The following NPEPPS variants were observed in gnomAD, a reference collection of about 807,000 sequenced individuals.
NPEPPS encodes puromycin-sensitive aminopeptidase.
NPEPPS carries 14 observed loss-of-function variants against 115.5 expected under a neutral mutation model. That is an observed-to-expected ratio of 0.12 (90% CI 0.08 to 0.19). NPEPPS has a LOEUF of 0.19. Ranked by LOEUF, NPEPPS falls within the 10% of genes least tolerant of loss-of-function variation. The probability of loss-of-function intolerance (pLI) is 1.00; values close to 1 mark genes in which losing one functional copy is unlikely to be tolerated. For missense variants in NPEPPS, 523 were observed against 1,110.8 expected, an observed-to-expected ratio of 0.47 and a Z score of 7.52; for synonymous variants, 285 against 390.6, an observed-to-expected ratio of 0.73 and a Z score of 3.19.
intron 3 of NPEPPS, among the ~76,000 whole-genome samples, chr17:47,576,866 T>A (rs1911552364): frequency 6.6e-6 from 1 of 152,134 alleles, no homozygotes; most frequent in Non-Finnish European, 1.5e-5. Context: ...CGTTCATTAA[T>A]ATGGTGTAAA....
intron 1 of NPEPPS, among the ~76,000 whole-genome samples, chr17:47,540,463 C>T (rs1385480959): frequency 2.0e-5 from 3 of 152,202 alleles, no homozygotes; most frequent in African/African-American, 7.2e-5. Context: ...AAATCATGTA[C>T]TACACCATCA....
At chr17:47,596,510 G>A in intron 13 of NPEPPS, 48 bp downstream of exon 13, 1 of 1,233,880 alleles carries the variant, frequency 8.1e-7, no homozygotes, top group Non-Finnish European at 1.1e-6. Context: ...ATTAAATGAA[G>A]TTCAGTACAG....
Position 47,623,018 on chromosome 17 carries a change from C to CGTA in NPEPPS, c.*1098_*1099insGTA. ...GCCACTGTTTGCTTCAACAGTATATCCTAATAAGCCTCACCTATTTAATCC... is the reference window on the plus strand; with the variant it reads ...GCCACTGTTTGCTTCAACAGTATATCGTACTAATAAGCCTCACCTATTTAATCC... On this transcript the variant is annotated 3_prime_UTR_variant, in exon 23 of 23. Coordinates refer to ENST00000322157, the MANE Select transcript of NPEPPS (RefSeq NM_006310.4). 4.7e-6 allele frequency: 2 copies of CGTA among 423,742 alleles called. No homozygotes were observed. The highest frequency in any genetic ancestry group is 3.4e-5 in the South Asian group (2 of 58,790). 26.2% of individuals were successfully genotyped at this position (423,742 alleles called of 1,614,324 possible).
At chr17:47,601,801 CG>C in intron 15 of NPEPPS, 54 bp downstream of exon 15, 1 of 1,540,822 alleles carries the variant, frequency 6.5e-7, no homozygotes, top group Non-Finnish European at 8.8e-7. Flanking sequence ...ATTTTATGGC[CG>C]GTTTTAAATT....
chr17:47,610,752 G>T (rs929009142), intron 17 of NPEPPS, among the ~76,000 whole-genome samples: 1 of 148,882 alleles, frequency 6.7e-6, no homozygotes, highest in Non-Finnish European at 1.5e-5. Context: ...TATGAATTCT[G>T]TTATGCACAT....
At chr17:47,543,313 AT>A (rs111609085) in intron 1 of NPEPPS, among the ~76,000 whole-genome samples, 54 of 146,554 alleles carry the variant, frequency 3.7e-4, no homozygotes, top group South Asian at 4.3e-4. Context: ...CAGTAAAAAA[AT>A]TTTTTTTTTT....
At chr17:47,526,862 G>A (rs1431790878), upstream of NPEPPS, among the ~76,000 whole-genome samples, 5 of 152,136 alleles carry the variant, frequency 3.3e-5, no homozygotes, top group African/African-American at 4.8e-5. Flanking sequence ...CGAGGCTGAG[G>A]AAGGAGAATG....
chr17:47,537,002 C>G (rs143600239), intron 1 of NPEPPS, among the ~76,000 whole-genome samples: 2 of 151,980 alleles, frequency 1.3e-5, no homozygotes, highest in Non-Finnish European at 2.9e-5. Flanking sequence ...CATGAGCCAC[C>G]GTGCCTGGCC....
At chr17:47,603,105 T>C (rs935296005) in intron 15 of NPEPPS, among the ~76,000 whole-genome samples, 1 of 152,214 alleles carries the variant, frequency 6.6e-6, no homozygotes, top group Non-Finnish European at 1.5e-5. Context: ...TTTTTGGCTA[T>C]TGGTAAATAG....
At chr17:47,540,544 C>T (rs1429675848) in intron 1 of NPEPPS, among the ~76,000 whole-genome samples, 1 of 152,218 alleles carries the variant, frequency 6.6e-6, no homozygotes, top group Non-Finnish European at 1.5e-5. Context: ...TCAGCACATA[C>T]ACTTATGTCC....
At chr17:47,609,455 T>C (rs1913712160) in intron 17 of NPEPPS, among the ~76,000 whole-genome samples, 1 of 152,326 alleles carries the variant, frequency 6.6e-6, no homozygotes, top group African/African-American at 2.4e-5. Flanking sequence ...GGCAAAATAA[T>C]AAAATGTTAC....
chr17:47,555,196 A>G (rs1909918873), intron 2 of NPEPPS, among the ~76,000 whole-genome samples: 1 of 152,208 alleles, frequency 6.6e-6, no homozygotes. Context: ...ACTACCATCA[A>G]GATACTTACT....
chr17:47,537,701 TA>T lies in NPEPPS; in HGVS notation c.255+6161del, dbSNP rs772361436. 6.1e-3 allele frequency among the ~76,000 whole-genome samples: 860 copies of T among 140,140 alleles called. 7 individuals carry two copies. Among genetic ancestry groups the T allele is most frequent in the East Asian group, 0.035 (172 of 4,896 alleles). The allele number at this position is 140,140 out of a possible 152,430, so 91.9% of individuals were successfully genotyped here. On this transcript the variant is annotated intron_variant, in intron 1 of 22. Coordinates refer to ENST00000322157, the MANE Select transcript of NPEPPS (RefSeq NM_006310.4). ...GGGTGACACAGCGAGACCCTGTCTT[TA>T]AAAAAAAAAAAAAAGTTGACTAATC...
intron 1 of NPEPPS, among the ~76,000 whole-genome samples, chr17:47,538,202 CTTTTT>C (rs543559258): frequency 8.9e-4 from 52 of 58,496 alleles, no homozygotes; most frequent in African/African-American, 2.7e-3. Flanking sequence ...CATATCTGTT[CTTTTT>C]TTTTTTTTTT....
At chr17:47,561,957 G>A (rs538295606) in intron 2 of NPEPPS, among the ~76,000 whole-genome samples, 5 of 152,318 alleles carry the variant, frequency 3.3e-5, no homozygotes, top group African/African-American at 9.6e-5. Context: ...TGCTTCAGTC[G>A]TGACTGTCCA....
At chr17:47,525,623 G>A (rs1001268548) in intron 1 of NPEPPS, among the ~76,000 whole-genome samples, 10 of 152,164 alleles carry the variant, frequency 6.6e-5, no homozygotes, top group Non-Finnish European at 8.8e-5. Flanking sequence ...GATTACAGGC[G>A]TGAGGCATGG....
intron 2 of NPEPPS, among the ~76,000 whole-genome samples, chr17:47,562,175 A>G (rs1482105537): frequency 6.6e-6 from 1 of 152,224 alleles, no homozygotes; most frequent in African/African-American, 2.4e-5. Context: ...AGCTTTAGCA[A>G]ATTAATCAAA....
chr17:47,587,746 A>G (rs1425042957), intron 9 of NPEPPS, among the ~76,000 whole-genome samples: 2 of 152,234 alleles, frequency 1.3e-5, no homozygotes, highest in African/African-American at 2.4e-5. Context: ...TAACAAACTG[A>G]TCTTTAATTA....
chr17:47,609,733 A>G (rs548525738), intron 17 of NPEPPS, among the ~76,000 whole-genome samples: 2 of 152,068 alleles, frequency 1.3e-5, no homozygotes, highest in Non-Finnish European at 2.9e-5. Flanking sequence ...TCCCGTGCCT[A>G]CCCCACACAG....
Sources: gnomAD v4.1 joint callset for allele counts (sites outside exome capture counted in the v4.1 genomes callset) on GRCh38, gnomAD v4.1.1 for gene constraint, MANE v1.5 for transcripts, NCBI Gene and HGNC (gene_info 2026-07-23, HGNC 2026-07-21) for gene names.